Variants in SND1 observed in about 807,000 individuals in gnomAD.
SND1 encodes staphylococcal nuclease and tudor domain containing 1, also known as staphylococcal nuclease domain-containing protein 1.
A neutral mutation model predicts 121.7 loss-of-function variants in SND1; 38 were observed. That is an observed-to-expected ratio of 0.31 (90% CI 0.24 to 0.41). The LOEUF (loss-of-function observed/expected upper bound fraction) is 0.41, where lower values mean the gene tolerates loss of function less well. SND1 is among the 10% of genes least tolerant of loss of function. The pLI is 1.00. For synonymous variants in SND1, 401 were observed against 447.4 expected (o/e 0.90, Z 1.31); for missense variants, 868 against 1,184.6 (o/e 0.73, Z 3.92).
chr7:128,030,702 C>T (rs1043937950), intron 16 of SND1: 2 of 1,512,330 alleles, frequency 1.3e-6, no homozygotes, highest in Non-Finnish European at 1.8e-6. Context: ...AGAACCAGCC[C>T]TACCCCGGCT....
At chr7:127,913,966 C>T (rs1800514129) in intron 14 of SND1, among the ~76,000 whole-genome samples, 1 of 152,172 alleles carries the variant, frequency 6.6e-6, no homozygotes, top group Non-Finnish European at 1.5e-5. Context: ...TTTGGACACT[C>T]CTTGCAGTGT....
At chr7:127,919,714 A>G (rs1231024358) in intron 14 of SND1, among the ~76,000 whole-genome samples, 1 of 152,196 alleles carries the variant, frequency 6.6e-6, no homozygotes, top group African/African-American at 2.4e-5. Context: ...TAGTATTCCT[A>G]TAAAAATTCA....
intron 14 of SND1, among the ~76,000 whole-genome samples, chr7:127,918,613 A>G (rs1032051591): frequency 1.3e-5 from 2 of 152,174 alleles, no homozygotes; most frequent in Admixed American, 6.5e-5. Context: ...GTCAGGTCCT[A>G]GAAGAGTATA....
chr7:127,690,484 T>C (rs1053378484), intron 2 of SND1, among the ~76,000 whole-genome samples: 10 of 152,206 alleles, frequency 6.6e-5, no homozygotes, highest in African/African-American at 2.2e-4. Flanking sequence ...TTCAGCCACT[T>C]AAGAAATCAC....
Position 127,860,596 on chromosome 7 carries a change from T to A in SND1, c.1343+16172T>A, listed in dbSNP as rs544380483. ...TGGTGGTGTAGTGAATTTGGACCTG[T>A]AAGGTTCCTTTTAACCCTATTTGTA... On this transcript the variant is annotated intron_variant, in intron 12 of 23. Coordinates refer to ENST00000354725, the MANE Select transcript of SND1 (RefSeq NM_014390.4). 7.2e-5 allele frequency among the ~76,000 whole-genome samples: 11 copies of A among 152,350 alleles called. No individual in the cohort carries two copies. In the East Asian group the frequency reaches 2.1e-3, roughly 29 times the overall value.
chr7:127,923,507 C>T (rs985492668), intron 14 of SND1, among the ~76,000 whole-genome samples: 7 of 152,100 alleles, frequency 4.6e-5, no homozygotes, highest in Non-Finnish European at 4.4e-5. Flanking sequence ...CACAGGAGCT[C>T]GAGGGCATTC....
At chr7:127,760,924 T>A (rs974738123) in intron 10 of SND1, among the ~76,000 whole-genome samples, 1 of 152,262 alleles carries the variant, frequency 6.6e-6, no homozygotes, top group Non-Finnish European at 1.5e-5. Context: ...GCAAACTGTA[T>A]TCTCAACGAA....
At chr7:127,773,509 G>C (rs1056723816) in intron 10 of SND1, among the ~76,000 whole-genome samples, 9 of 151,930 alleles carry the variant, frequency 5.9e-5, no homozygotes, top group African/African-American at 1.9e-4. Flanking sequence ...AATGGTTTGG[G>C]ATGTTTGTTG....
intron 16 of SND1, among the ~76,000 whole-genome samples, chr7:128,010,894 G>T (rs947504560): frequency 6.6e-6 from 1 of 152,192 alleles, no homozygotes; most frequent in Non-Finnish European, 1.5e-5. Context: ...ACACTGCACA[G>T]CTCACAAAGG....
chr7:127,655,630 C>A (rs192324367), intron 1 of SND1, among the ~76,000 whole-genome samples: 1 of 152,218 alleles, frequency 6.6e-6, no homozygotes, highest in African/African-American at 2.4e-5. Context: ...TTTCTCGAAA[C>A]CCTGAAGGAT....
chr7:127,948,022 A>G (rs1286594562), intron 15 of SND1, among the ~76,000 whole-genome samples: 1 of 152,200 alleles, frequency 6.6e-6, no homozygotes, highest in Non-Finnish European at 1.5e-5. Flanking sequence ...CAGGACACAC[A>G]CAGTGTAGTA....
Position 128,088,380 on chromosome 7 carries a change from G to A in SND1, c.2419-1109G>A, listed in dbSNP as rs1318690655. Among the ~76,000 whole-genome samples, 6 of 150,682 alleles carry A rather than the reference G, an allele frequency of 4.0e-5. No homozygotes were observed. The South Asian group carries it at 8.4e-4, about 21-fold the overall frequency. On this transcript the variant is annotated intron_variant, in intron 21 of 23. Transcript: ENST00000354725. ...GGAGACTGCGGTGAGAGGATCGCTC[G>A]AGCCCACAAGTTCAAGGTTGCAGTG...
At chr7:127,862,188 A>G (rs1584625608) in intron 12 of SND1, among the ~76,000 whole-genome samples, 1 of 152,218 alleles carries the variant, frequency 6.6e-6, no homozygotes, top group East Asian at 1.9e-4. Flanking sequence ...GGACTGTGGA[A>G]ATAGAATCAG....
chr7:127,804,381 G>T (rs918564617), intron 10 of SND1, among the ~76,000 whole-genome samples: 10 of 152,046 alleles, frequency 6.6e-5, no homozygotes, highest in Non-Finnish European at 1.5e-4. Flanking sequence ...GTTTTTTATT[G>T]GGATGTTTGT....
intron 13 of SND1, among the ~76,000 whole-genome samples, chr7:127,892,076 C>A (rs973385584): frequency 1.1e-4 from 17 of 152,058 alleles, no homozygotes; most frequent in African/African-American, 3.6e-4. Context: ...GCAGAGTGCT[C>A]TTCTGTTGAC....
chr7:127,901,955 A>C (rs1441530031), intron 13 of SND1, among the ~76,000 whole-genome samples: 1 of 152,210 alleles, frequency 6.6e-6, no homozygotes, highest in Non-Finnish European at 1.5e-5. Context: ...TTATTGTTTT[A>C]AATGTCATAT....
intron 16 of SND1, among the ~76,000 whole-genome samples, chr7:128,039,024 C>T (rs898303443): frequency 1.3e-5 from 2 of 152,180 alleles, no homozygotes; most frequent in African/African-American, 4.8e-5. Flanking sequence ...TCCCTGCCTG[C>T]ACCTCTGCCC....
At chr7:127,701,439 A>G (rs1796099246) in intron 5 of SND1, 116 bp downstream of exon 5, 6 of 1,084,504 alleles carry the variant, frequency 5.5e-6, no homozygotes, top group Non-Finnish European at 6.5e-6. Context: ...TTTAGTATCC[A>G]TGGGAAATCC....
At position 128,091,901 on chromosome 7, in the gene SND1, G is replaced by T; in HGVS notation, c.2667+20G>T. ...GCCAGGGTGAGTTCTTACCTTGGGA[G>T]CCCCCAGAGGGTACCGAGTTGAGGG... is the stretch of plus-strand genomic sequence containing the variant. On this transcript the variant is annotated intron_variant, in intron 23 of 23. Transcript: ENST00000354725. The T allele has an allele frequency of 1.2e-6, 2 of 1,614,156 alleles. No homozygotes were observed. The highest frequency in any genetic ancestry group is 1.7e-6 in the Non-Finnish European group (2 of 1,179,990).
Sources: gnomAD v4.1 joint callset for allele counts (sites outside exome capture counted in the v4.1 genomes callset) on GRCh38, gnomAD v4.1.1 for gene constraint, MANE v1.5 for transcripts, NCBI Gene and HGNC (gene_info 2026-07-23, HGNC 2026-07-21) for gene names.